The following GPHN variants were observed in gnomAD, a reference collection of about 807,000 sequenced individuals.
The protein encoded by GPHN is gephyrin.
A neutral mutation model predicts 95.5 loss-of-function variants in GPHN; 17 were observed. That is an observed-to-expected ratio of 0.18 (90% confidence interval 0.12 to 0.27). GPHN has a LOEUF of 0.27. GPHN is among the 10% of genes least tolerant of loss of function. GPHN has a pLI of 1.00. For missense variants in GPHN, 660 were observed against 978.1 expected (o/e 0.67, Z 4.34); for synonymous variants, 320 against 322.5 (o/e 0.99, Z 0.08).
At position 67,149,216 on chromosome 14, in the gene GPHN, C is replaced by T. The variant is rs563189287; in HGVS notation, c.1836+5767C>T. ...AAAATTAGCTGGGCGTGGTGGCGGG[C>T]GCCTGTAATCCCAGCTACCTGGGAG... On this transcript the variant is annotated intron_variant, in intron 18 of 22. Coordinates refer to ENST00000478722, the MANE Select transcript of GPHN (RefSeq NM_020806.5). 1.8e-3 allele frequency among the ~76,000 whole-genome samples: 268 copies of T among 152,102 alleles called. 1 individual carries two copies. The highest frequency in any genetic ancestry group is 2.7e-3 in the Non-Finnish European group (184 of 67,968).
chr14:67,113,193 G>C (rs1595192567), intron 16 of GPHN, 22 bp downstream of exon 16: 2 of 1,601,726 alleles, frequency 1.2e-6, no homozygotes, highest in East Asian at 4.5e-5. Flanking sequence ...AAAAATGGAG[G>C]GAGTGGGGAG....
At chr14:66,906,389 G>T (rs2065382212) in intron 5 of GPHN, among the ~76,000 whole-genome samples, 1 of 152,180 alleles carries the variant, frequency 6.6e-6, no homozygotes, top group Non-Finnish European at 1.5e-5. Flanking sequence ...CATGCAAAAT[G>T]ATGGAAAGCT....
chr14:66,859,308 A>C (rs1027101183), intron 4 of GPHN, among the ~76,000 whole-genome samples: 1 of 152,206 alleles, frequency 6.6e-6, no homozygotes, highest in Non-Finnish European at 1.5e-5. Flanking sequence ...GAAGCACAGC[A>C]CAGAGAGAGA....
At chr14:66,615,754 C>T (rs2062986743) in intron 1 of GPHN, among the ~76,000 whole-genome samples, 1 of 151,762 alleles carries the variant, frequency 6.6e-6, no homozygotes, top group African/African-American at 2.4e-5. Flanking sequence ...ATTTTTGTTG[C>T]AGTTGCTTTT....
the GPHN span, among the ~76,000 whole-genome samples, chr14:67,246,848 C>G: frequency 1.3e-5 from 2 of 152,028 alleles, no homozygotes; most frequent in African/African-American, 4.8e-5. Flanking sequence ...GGCGGGGTTT[C>G]ACCGTGTTGG....
At chr14:66,885,239 G>T (rs1376755912) in intron 5 of GPHN, among the ~76,000 whole-genome samples, 2 of 151,988 alleles carry the variant, frequency 1.3e-5, no homozygotes, top group Non-Finnish European at 2.9e-5. Context: ...AGATGGCAGA[G>T]TAGTATATAT....
At chr14:67,201,509 G>A in the GPHN span, 1 of 455,950 alleles carries the variant, frequency 2.2e-6, no homozygotes, top group Non-Finnish European at 4.4e-6. Context: ...TCATCCTGGT[G>A]GCTCTGTCTC....
intron 1 of GPHN, among the ~76,000 whole-genome samples, chr14:66,535,052 GC>G (rs1323852614): frequency 1.3e-5 from 2 of 151,972 alleles, no homozygotes; most frequent in Non-Finnish European, 2.9e-5. Flanking sequence ...AGAAATCTTT[GC>G]CTATTACAGG....
At chr14:66,587,889 A>G (rs986742675) in intron 1 of GPHN, among the ~76,000 whole-genome samples, 2 of 152,196 alleles carry the variant, frequency 1.3e-5, no homozygotes, top group African/African-American at 4.8e-5. Context: ...GAGCTCTGCT[A>G]AGGGATGGAC....
rs190840092 is a variant in GPHN, at chr14:66,608,483, A to G, written c.65-72624A>G. Among the ~76,000 whole-genome samples the G allele has an allele frequency of 3.3e-5, 5 of 152,188 alleles. 1 individual carries two copies. The highest frequency in any genetic ancestry group is 1.2e-4 in the African/African-American group (5 of 41,570). ...TATGTGATTTTGGGTGGACTATTCT[A>G]TAGATGTCTATTAGGTCCCATTGGT... On this transcript the variant is annotated intron_variant, in intron 1 of 22. Coordinates refer to ENST00000478722, the MANE Select transcript of GPHN (RefSeq NM_020806.5).
the GPHN span, among the ~76,000 whole-genome samples, chr14:67,490,026 C>T: frequency 1.3e-5 from 2 of 152,094 alleles, no homozygotes; most frequent in Non-Finnish European, 2.9e-5. Context: ...GTGTCTGTTT[C>T]CCCCACCACG....
the GPHN span, among the ~76,000 whole-genome samples, chr14:67,645,318 T>C: frequency 1.9e-4 from 29 of 152,280 alleles, no homozygotes; most frequent in Admixed American, 1.8e-3. Context: ...CTGGCTTAAC[T>C]TGATTTCATT....
chr14:66,899,274 G>T (rs1222021368), intron 5 of GPHN, among the ~76,000 whole-genome samples: 2 of 151,662 alleles, frequency 1.3e-5, no homozygotes, highest in African/African-American at 4.8e-5. Context: ...TCTGCCTGTT[G>T]TCCTAGCTAA....
At chr14:67,156,812 A>G (rs1186850769) in intron 18 of GPHN, among the ~76,000 whole-genome samples, 1 of 152,008 alleles carries the variant, frequency 6.6e-6, no homozygotes, top group African/African-American at 2.4e-5. Flanking sequence ...CCTCGTCTCT[A>G]TACAAAAATT....
chr14:66,758,052 G>C (rs566647950), intron 2 of GPHN, among the ~76,000 whole-genome samples: 1 of 152,296 alleles, frequency 6.6e-6, no homozygotes. Flanking sequence ...TGTGCTGATT[G>C]GTTTGTGATT....
intron 9 of GPHN, among the ~76,000 whole-genome samples, chr14:66,976,916 G>A (rs1294666486): frequency 1.9e-5 from 1 of 52,926 alleles, no homozygotes. Context: ...AGAAATATGT[G>A]GGGGGGGGGG....
intron 9 of GPHN, among the ~76,000 whole-genome samples, chr14:67,005,363 C>T (rs559896663): frequency 1.3e-5 from 2 of 151,792 alleles, no homozygotes; most frequent in South Asian, 2.1e-4. Context: ...AAAGAATTTA[C>T]ATTTTTATTC....
chr14:66,865,498 G>A (rs1053848836), intron 4 of GPHN, among the ~76,000 whole-genome samples: 8 of 152,068 alleles, frequency 5.3e-5, no homozygotes, highest in African/African-American at 1.9e-4. Flanking sequence ...TTAAAACCAG[G>A]AAAGAAAACC....
chr14:67,218,239 C>T, the GPHN span, among the ~76,000 whole-genome samples: 2 of 152,164 alleles, frequency 1.3e-5, no homozygotes, highest in African/African-American at 4.8e-5. Context: ...AGCATGATCA[C>T]ACAGTTGTTG....
Sources: allele counts gnomAD v4.1 joint callset (sites outside exome capture counted in the v4.1 genomes callset), GRCh38; gene constraint gnomAD v4.1.1; transcripts MANE v1.5; gene names NCBI Gene and HGNC (gene_info 2026-07-23, HGNC 2026-07-21).